LOC128706665: variants seen among roughly 807,000 people sequenced by gnomAD.
At chr20:10,419,601 A>C in the LOC128706665 span, among the ~76,000 whole-genome samples, 1 of 152,182 alleles carries the variant, frequency 6.6e-6, no homozygotes, top group Non-Finnish European at 1.5e-5. Flanking sequence ...ACCTATGATA[A>C]AGTTCAATTT....
At chr20:10,418,082 G>A in the LOC128706665 span, among the ~76,000 whole-genome samples, 1 of 152,294 alleles carries the variant, frequency 6.6e-6, no homozygotes, top group East Asian at 1.9e-4. Context: ...TGTAGGTAAA[G>A]AGTCACTGTT....
chr20:10,414,066 A>ATG, the LOC128706665 span: 1 of 370,908 alleles, frequency 2.7e-6, no homozygotes, highest in Non-Finnish European at 4.7e-6. Flanking sequence ...CGTCCAGAAA[A>ATG]TGAGAAAGGT....
At chr20:10,427,657 G>T in the LOC128706665 span, among the ~76,000 whole-genome samples, 1 of 152,194 alleles carries the variant, frequency 6.6e-6, no homozygotes, top group South Asian at 2.1e-4. Flanking sequence ...ACTGCACGTG[G>T]TCTTCAACTG....
chr20:10,415,485 G>A, the LOC128706665 span, among the ~76,000 whole-genome samples: 1 of 152,174 alleles, frequency 6.6e-6, no homozygotes, highest in Non-Finnish European at 1.5e-5. Context: ...GGCAATGATG[G>A]TCAGCTTTCT....
At chr20:10,421,906 A>G in the LOC128706665 span, among the ~76,000 whole-genome samples, 1 of 152,074 alleles carries the variant, frequency 6.6e-6, no homozygotes, top group Admixed American at 6.6e-5. Context: ...TACTCTTAAT[A>G]AGGACTGCTC....
At chr20:10,419,870 A>C in the LOC128706665 span, among the ~76,000 whole-genome samples, 1 of 152,222 alleles carries the variant, frequency 6.6e-6, no homozygotes, top group East Asian at 1.9e-4. Flanking sequence ...TTTCTATTTA[A>C]TATTTTCAGA....
At chr20:10,422,708 ATTATC>A in the LOC128706665 span, among the ~76,000 whole-genome samples, 2 of 147,004 alleles carry the variant, frequency 1.4e-5, no homozygotes, top group African/African-American at 5.2e-5. Context: ...ATCAAGTTAT[ATTATC>A]TTTTTTTTTT....
At chr20:10,433,362 A>G in the LOC128706665 span, among the ~76,000 whole-genome samples, 2 of 152,236 alleles carry the variant, frequency 1.3e-5, no homozygotes, top group African/African-American at 4.8e-5. Context: ...ACTCATGGAT[A>G]GGGAGCGTAT....
chr20:10,431,114 G>A, the LOC128706665 span, among the ~76,000 whole-genome samples: 2 of 152,000 alleles, frequency 1.3e-5, no homozygotes, highest in Admixed American at 1.3e-4. Context: ...CTCAATACAC[G>A]GCAGCCATTA....
chr20:10,427,976 A>G, the LOC128706665 span, among the ~76,000 whole-genome samples: 1 of 152,234 alleles, frequency 6.6e-6, no homozygotes, highest in Non-Finnish European at 1.5e-5. Flanking sequence ...CGAAACAGGT[A>G]TGCGTAAGTA....
the LOC128706665 span, among the ~76,000 whole-genome samples, chr20:10,423,640 G>A: frequency 6.6e-6 from 1 of 151,996 alleles, no homozygotes; most frequent in African/African-American, 2.4e-5. Flanking sequence ...AATTATATAG[G>A]GTTAGCTCCC....
chr20:10,419,673 G>A, the LOC128706665 span, among the ~76,000 whole-genome samples: 1 of 152,296 alleles, frequency 6.6e-6, no homozygotes, highest in Non-Finnish European at 1.5e-5. Flanking sequence ...ACAGTTACCT[G>A]AACATAAGCG....
chr20:10,430,048 A>C, the LOC128706665 span, among the ~76,000 whole-genome samples: 1 of 152,250 alleles, frequency 6.6e-6, no homozygotes, highest in Non-Finnish European at 1.5e-5. Flanking sequence ...CAAAAAAACA[A>C]AAACAAAAAC....
the LOC128706665 span, among the ~76,000 whole-genome samples, chr20:10,423,622 A>G: frequency 6.6e-6 from 1 of 152,230 alleles, no homozygotes; most frequent in Non-Finnish European, 1.5e-5. Context: ...CTCTTTGAGA[A>G]GAGTGAAAAT....
At chr20:10,421,095 C>T in the LOC128706665 span, among the ~76,000 whole-genome samples, 6 of 151,708 alleles carry the variant, frequency 4.0e-5, no homozygotes, top group Non-Finnish European at 7.4e-5. Context: ...CTCTGAGCCA[C>T]AATAGAGTAA....
At chr20:10,428,836 T>A in the LOC128706665 span, among the ~76,000 whole-genome samples, 1 of 99,632 alleles carries the variant, frequency 1.0e-5, no homozygotes, top group Non-Finnish European at 2.3e-5. Flanking sequence ...AGAGCAAGAC[T>A]CCGTCTCAAT....
At chr20:10,419,685 G>A in the LOC128706665 span, among the ~76,000 whole-genome samples, 7 of 152,260 alleles carry the variant, frequency 4.6e-5, no homozygotes, top group Admixed American at 6.5e-5. Flanking sequence ...ACATAAGCGC[G>A]GAGATACCAC....
the LOC128706665 span, among the ~76,000 whole-genome samples, chr20:10,422,005 C>T: frequency 1.3e-5 from 2 of 152,012 alleles, no homozygotes; most frequent in African/African-American, 4.8e-5. Context: ...TTATTTTTGT[C>T]TAAATGCCAT....
At chr20:10,433,547 AT>A in the LOC128706665 span, among the ~76,000 whole-genome samples, 2 of 152,150 alleles carry the variant, frequency 1.3e-5, no homozygotes, top group Non-Finnish European at 2.9e-5. Context: ...CGGCAACAGG[AT>A]TTGGGTATGG....
Sources: allele counts gnomAD v4.1 joint callset (sites outside exome capture counted in the v4.1 genomes callset), GRCh38; gene constraint gnomAD v4.1.1; transcripts MANE v1.5.